The following TMOD1 variants were observed in gnomAD, a reference collection of about 807,000 sequenced individuals.
TMOD1 encodes tropomodulin-1.
TMOD1 carries 17 observed loss-of-function variants against 40.6 expected under a neutral mutation model. The observed-to-expected ratio is 0.42, with a 90% CI of 0.29 to 0.63. The LOEUF is 0.63. Ranked by LOEUF, TMOD1 falls within the 20% of genes least tolerant of loss-of-function variation. The pLI, the probability that TMOD1 is intolerant of heterozygous loss-of-function variation, is 0.22. For missense variants in TMOD1, 391 were observed against 447.6 expected (o/e 0.87, Z 1.14); for synonymous variants, 181 against 175.0 (o/e 1.03, Z -0.27).
intron 1 of TMOD1, among the ~76,000 whole-genome samples, chr9:97,503,042 T>C (rs1399347424): frequency 6.6e-6 from 1 of 152,158 alleles, no homozygotes; most frequent in African/African-American, 2.4e-5. Flanking sequence ...CTCCTCCGTG[T>C]CTGAATCGCA....
chr9:97,551,014 ATTTTTTTTTTTTTTTTT>A lies in TMOD1; in HGVS notation c.278-2255_278-2239del, dbSNP rs55700746. On this transcript the variant is annotated intron_variant, in intron 3 of 9. Transcript: ENST00000259365. The stretch of plus-strand genomic sequence containing the variant: ...ATTTTATATATATATATATATATAT[ATTTTTTTTTTTTTTTTT>A]TTTTTTTTTTTAGATGGAGTCTTGC... 7.1e-4 allele frequency among the ~76,000 whole-genome samples: 74 copies of A among 104,254 alleles called. 1 individual carries two copies. Among genetic ancestry groups the A allele is most frequent in the African/African-American group, 1.6e-3 (38 of 23,196 alleles). The allele number at this position is 104,254 out of a possible 152,430, so 68.4% of individuals were successfully genotyped here. A position where few individuals can be genotyped will look rare whatever the true frequency, so the allele number is the denominator to read the frequency against.
At chr9:97,527,675 G>A (rs755464900) in intron 2 of TMOD1, among the ~76,000 whole-genome samples, 3 of 152,344 alleles carry the variant, frequency 2.0e-5, no homozygotes, top group African/African-American at 4.8e-5. Context: ...GCCGACTGAC[G>A]GGTTTAGACT....
chr9:97,581,263 C>T (rs1004996094), intron 8 of TMOD1, among the ~76,000 whole-genome samples: 9 of 142,274 alleles, frequency 6.3e-5, no homozygotes, highest in East Asian at 6.2e-4. Context: ...TTTGTTCTTG[C>T]GATAGTTTAC....
At chr9:97,562,544 C>T (rs559086818) in intron 4 of TMOD1, among the ~76,000 whole-genome samples, 188 bp from the exon 5 acceptor site, 1 of 152,164 alleles carries the variant, frequency 6.6e-6, no homozygotes, top group Admixed American at 6.5e-5. Context: ...GCAGCCTGGG[C>T]TGGGGCTGGG....
At chr9:97,555,227 ACTT>A (rs1386663664) in intron 4 of TMOD1, among the ~76,000 whole-genome samples, 2 of 152,126 alleles carry the variant, frequency 1.3e-5, no homozygotes, top group African/African-American at 4.8e-5. Context: ...TATACATCAC[ACTT>A]CAACCAAACC....
intron 1 of TMOD1, among the ~76,000 whole-genome samples, chr9:97,514,275 C>CT (rs71369513): frequency 0.023 from 2,767 of 121,708 alleles, 85 homozygotes; most frequent in African/African-American, 0.075. Flanking sequence ...TTTTCTTTTT[C>CT]TTTTTTTTTT....
At chr9:97,559,794 A>AAAATATATAT (rs1390791825) in intron 4 of TMOD1, among the ~76,000 whole-genome samples, 24 of 23,162 alleles carry the variant, frequency 1.0e-3, no homozygotes, top group Middle Eastern at 0.022. Context: ...AAAAAAAAAA[A>AAAATATATAT]ATATATATAT....
intron 1 of TMOD1, among the ~76,000 whole-genome samples, chr9:97,507,756 G>A (rs1483190994): frequency 6.6e-6 from 1 of 152,170 alleles, no homozygotes; most frequent in African/African-American, 2.4e-5. Flanking sequence ...GATGACTCAT[G>A]GCAGCCAAGG....
rs763217493 is a variant in TMOD1 at position 97,524,307 on chromosome 9, A to G, written c.119A>G (p.Asp40Gly). The G allele has an allele frequency of 1.2e-6, 2 of 1,613,920 alleles. No homozygotes were observed. Among genetic ancestry groups the G allele is most frequent in the East Asian group, 4.5e-5 (2 of 44,882 alleles). ...LENELDELDP[D>G]NALLPAGLRQ... Reference sequence around the variant, plus strand: ...AATGAGCTGGATGAGCTGGACCCTGATGTGAGTAGGTGCTAAAGGGAAGCA... The same window carrying G: ...AATGAGCTGGATGAGCTGGACCCTGGTGTGAGTAGGTGCTAAAGGGAAGCA... The change falls in exon 2 of 10, where the codon GAT (aspartate) becomes GGT (glycine). Residue 40 changes from aspartate to glycine, a missense_variant and splice_region_variant. Asp to Gly is a moderately conservative substitution (Grantham distance 94). Transcript: ENST00000259365.
intron 8 of TMOD1, among the ~76,000 whole-genome samples, chr9:97,571,513 T>C (rs1185808593): frequency 2.0e-5 from 3 of 152,258 alleles, no homozygotes; most frequent in African/African-American, 7.2e-5. Flanking sequence ...TCACATGCTA[T>C]TCTAAGAGTT....
rs552441849 is a variant in TMOD1 at position 97,586,548 on chromosome 9, C to G, written c.871-4743C>G. On this transcript the variant is annotated intron_variant, in intron 8 of 9. Transcript: ENST00000259365. ...TGGGCTCCACCCAGTTCGAGCTTCCCGGCTGCTTTGTTTACCTAATCAAGC... is the reference window on the plus strand; with the variant it reads ...TGGGCTCCACCCAGTTCGAGCTTCCGGGCTGCTTTGTTTACCTAATCAAGC... Among the ~76,000 whole-genome samples, 16 of 151,404 alleles carry G rather than the reference C, an allele frequency of 1.1e-4. No individual in the cohort carries two copies. In the South Asian group the frequency reaches 2.1e-3, roughly 20 times the overall value.
intron 4 of TMOD1, among the ~76,000 whole-genome samples, chr9:97,559,459 G>A (rs1424362432): frequency 2.0e-5 from 3 of 151,060 alleles, no homozygotes; most frequent in Non-Finnish European, 2.9e-5. Context: ...AGAATCACCT[G>A]AGGAGGTTTA....
intron 8 of TMOD1, among the ~76,000 whole-genome samples, chr9:97,572,317 T>G (rs1390582716): frequency 6.6e-6 from 1 of 151,884 alleles, no homozygotes; most frequent in Non-Finnish European, 1.5e-5. Flanking sequence ...GAGCTTTGAA[T>G]GGGTAGGTTT....
Position 97,584,801 on chromosome 9 carries a change from T to G in TMOD1, c.871-6490T>G, listed in dbSNP as rs553020747. 2.0e-4 allele frequency among the ~76,000 whole-genome samples: 30 copies of G among 152,318 alleles called. No homozygotes were observed. In the South Asian group the frequency reaches 5.6e-3, roughly 28 times the overall value. On this transcript the variant is annotated intron_variant, in intron 8 of 9. Coordinates refer to ENST00000259365, the MANE Select transcript of TMOD1 (RefSeq NM_003275.4). ...GAGCTTTGTTGGTTTAAAGTCTGTT[T>G]TATCAGAGACTAGGATTGCAACAAC... is the stretch of plus-strand genomic sequence containing the variant.
chr9:97,591,981 A>G (rs1326964229), intron 9 of TMOD1, among the ~76,000 whole-genome samples: 3 of 147,090 alleles, frequency 2.0e-5, no homozygotes, highest in East Asian at 3.9e-4. Context: ...TTTTTTTCTA[A>G]AAGGAAAAAT....
rs571203813 is a variant in TMOD1, at chr9:97,544,386, A to T, written c.121-1799A>T. ...CCCTGTCTTTACTAAAAATACAAAA[A>T]TTAGCCAGGTGTGGTGGCATGCGCC... On this transcript the variant is annotated intron_variant, in intron 2 of 9. Coordinates refer to ENST00000259365, the MANE Select transcript of TMOD1 (RefSeq NM_003275.4). Among the ~76,000 whole-genome samples, 3 of 152,092 alleles carry T rather than the reference A, an allele frequency of 2.0e-5. No homozygotes were observed. In the East Asian group the frequency reaches 5.8e-4, roughly 29 times the overall value.
rs1056429900 is a variant in TMOD1, at chr9:97,599,754, G to A, written c.*56G>A. The A allele has an allele frequency of 1.2e-6, 2 of 1,612,848 alleles. No homozygotes were observed. The highest frequency in any genetic ancestry group is 1.7e-6 in the Non-Finnish European group (2 of 1,179,646). On this transcript the variant is annotated 3_prime_UTR_variant, in exon 10 of 10. Coordinates refer to ENST00000259365, the MANE Select transcript of TMOD1 (RefSeq NM_003275.4). ...TGGATGTGTTCTATTGATGACCTGTGCTCTGCAGGGGAAACCAGAAGGCAA... is the reference window on the plus strand; with the variant it reads ...TGGATGTGTTCTATTGATGACCTGTACTCTGCAGGGGAAACCAGAAGGCAA...
rs940088798 is a variant in TMOD1, at chr9:97,599,875, C to T, written c.*177C>T. 8.8e-5 allele frequency: 122 copies of T among 1,384,032 alleles called. No homozygotes were observed. Among genetic ancestry groups the T allele is most frequent in the East Asian group, 2.4e-4 (9 of 36,958 alleles). 85.7% of individuals were successfully genotyped at this position (1,384,032 alleles called of 1,614,324 possible). ...TGTAGTTGAAAATTTTATAAAATAC[C>T]GTTAATGTGAAGTTTTTCTTTAGTC... On this transcript the variant is annotated 3_prime_UTR_variant, in exon 10 of 10. Transcript: ENST00000259365.
chr9:97,585,374 G>A (rs1431769873), intron 8 of TMOD1, among the ~76,000 whole-genome samples: 4 of 151,402 alleles, frequency 2.6e-5, no homozygotes, highest in South Asian at 2.1e-4. Flanking sequence ...CGAGAGATCC[G>A]CTGTTAGTCT....
Sources: allele counts gnomAD v4.1 joint callset (sites outside exome capture counted in the v4.1 genomes callset), GRCh38; gene constraint gnomAD v4.1.1; transcripts MANE v1.5; gene names NCBI Gene and HGNC (gene_info 2026-07-23, HGNC 2026-07-21).